Variants in TUBGCP5 observed in about 807,000 individuals in gnomAD.
The protein encoded by TUBGCP5 is tubulin gamma complex component 5, also known as gamma-tubulin complex component 5.
Under a neutral mutation model 134.7 loss-of-function variants are expected in TUBGCP5, and 98 were observed. The ratio of observed to expected loss-of-function variants is 0.73; its 90% CI spans 0.62 to 0.86. The LOEUF is 0.86. Ranked by LOEUF, TUBGCP5 falls within the 40% of genes least tolerant of loss-of-function variation. The pLI is 0.00. For synonymous variants in TUBGCP5, 456 were observed against 431.4 expected, an observed-to-expected ratio of 1.06 and a Z score of -0.71; for missense variants, 1,150 against 1,244.8, an observed-to-expected ratio of 0.92 and a Z score of 1.15.
intron 18 of TUBGCP5, 122 bp from the exon 19 acceptor site, chr15:23,005,732 G>A: frequency 9.1e-7 from 1 of 1,099,628 alleles, no homozygotes; most frequent in Non-Finnish European, 1.3e-6. Flanking sequence ...CACTGGCAGG[G>A]GTGGCAGGAA....
intron 1 of TUBGCP5, among the ~76,000 whole-genome samples, chr15:23,038,476 A>T (rs2066723801): frequency 6.6e-6 from 1 of 151,074 alleles, no homozygotes; most frequent in Non-Finnish European, 1.5e-5. Context: ...TTATTTTTAT[A>T]AGTTACACTT....
intron 23 of TUBGCP5, among the ~76,000 whole-genome samples, chr15:22,985,759 C>G (rs1422283750): frequency 1.3e-5 from 2 of 151,894 alleles, no homozygotes; most frequent in Admixed American, 6.6e-5. Context: ...CGCTTGAACC[C>G]AGGAGGCGGA....
At chr15:23,009,013 A>AT in intron 15 of TUBGCP5, 132 bp from the exon 16 acceptor site, 1 of 646,760 alleles carries the variant, frequency 1.5e-6, no homozygotes, top group Non-Finnish European at 2.5e-6. Flanking sequence ...AATTAGAAAT[A>AT]TTAACACCTC....
intron 18 of TUBGCP5, 158 bp downstream of exon 18, chr15:23,005,894 C>T: frequency 1.3e-6 from 1 of 779,464 alleles, no homozygotes; most frequent in Non-Finnish European, 2.0e-6. Context: ...CTAGAATACG[C>T]ACCATTTTGG....
At chr15:23,034,883 A>T (rs1034367921) in intron 3 of TUBGCP5, among the ~76,000 whole-genome samples, 2 of 152,160 alleles carry the variant, frequency 1.3e-5, no homozygotes, top group African/African-American at 4.8e-5. Context: ...AATAATAAAA[A>T]TGGCAAAACC....
chr15:23,000,442 G>C, intron 22 of TUBGCP5, 127 bp downstream of exon 22: 1 of 1,476,870 alleles, frequency 6.8e-7, no homozygotes, highest in East Asian at 2.4e-5. Flanking sequence ...CAACTGCTAA[G>C]GGACTTTTCA....
At chr15:23,022,523 G>A (rs1211212546) in intron 10 of TUBGCP5, among the ~76,000 whole-genome samples, 1 of 152,190 alleles carries the variant, frequency 6.6e-6, no homozygotes, top group Non-Finnish European at 1.5e-5. Flanking sequence ...TACAGAGAGG[G>A]GTGAGGGAGG....
At chr15:23,031,886 T>C (rs1364073303) in intron 5 of TUBGCP5, 64 bp downstream of exon 5, 2 of 1,340,208 alleles carry the variant, frequency 1.5e-6, no homozygotes, top group Non-Finnish European at 2.1e-6. Flanking sequence ...GAAAGACCCA[T>C]GAAAATCATC....
At chr15:23,039,358 G>A in intron 1 of TUBGCP5, 40 bp downstream of exon 1, 3 of 1,366,358 alleles carry the variant, frequency 2.2e-6, no homozygotes, top group Admixed American at 3.1e-5. Context: ...GCGGGCTCCG[G>A]GCTGTGGCCG....
In TUBGCP5 at chr15:23,019,218, C is replaced by T. The variant is rs1467508904; in HGVS notation, c.1487+1G>A. 2 of 1,611,046 alleles carry T rather than the reference C, an allele frequency of 1.2e-6. No homozygotes were observed. The highest frequency in any genetic ancestry group is 2.7e-5 in the African/African-American group (2 of 74,882). On this transcript the variant is annotated splice_donor_variant, in intron 12 of 22. Coordinates refer to ENST00000615383, the MANE Select transcript of TUBGCP5 (RefSeq NM_052903.6). LOFTEE classifies it high-confidence loss of function. ...TGACCTTGTGCTCTGCTGCAGCTCA[C>T]CTCTGGATGATGAACTCCCTGGCGC...
chr15:23,027,412 T>C (rs1595892961), intron 6 of TUBGCP5, 106 bp from the exon 7 acceptor site: 1 of 810,930 alleles, frequency 1.2e-6, no homozygotes, highest in Non-Finnish European at 2.0e-6. Context: ...AATGGCTTTT[T>C]AAAAATAACA....
intron 23 of TUBGCP5, among the ~76,000 whole-genome samples, chr15:22,992,342 G>A (rs12595681): frequency 0.046 from 6,956 of 152,082 alleles, 422 homozygotes; most frequent in African/African-American, 0.14. Context: ...TGGACAGTAG[G>A]CTCCAGCGTC....
chr15:23,035,473 C>A (rs1293390429), intron 3 of TUBGCP5, among the ~76,000 whole-genome samples: 1 of 152,022 alleles, frequency 6.6e-6, no homozygotes, highest in Non-Finnish European at 1.5e-5. Context: ...TGAAACTGTT[C>A]CACCTCAGAT....
chr15:23,024,548 C>T (rs949858529), intron 9 of TUBGCP5, among the ~76,000 whole-genome samples, 189 bp downstream of exon 9: 3 of 152,048 alleles, frequency 2.0e-5, no homozygotes, highest in African/African-American at 7.2e-5. Flanking sequence ...GAATCCTCTA[C>T]GTACTATAAA....
At chr15:22,994,207 C>A (rs1298929555), downstream of TUBGCP5, among the ~76,000 whole-genome samples, 1 of 152,146 alleles carries the variant, frequency 6.6e-6, no homozygotes, top group African/African-American at 2.4e-5. Flanking sequence ...CCTGCCTCAG[C>A]CTCCCAGGTA....
At chr15:23,026,959 T>G (rs1037973691) in intron 7 of TUBGCP5, among the ~76,000 whole-genome samples, 2 of 151,228 alleles carry the variant, frequency 1.3e-5, no homozygotes, top group African/African-American at 4.9e-5. Flanking sequence ...TAAAATAAAA[T>G]AAAAAATAAA....
chr15:22,994,797 A>G (rs2063994382), downstream of TUBGCP5, among the ~76,000 whole-genome samples: 1 of 152,178 alleles, frequency 6.6e-6, no homozygotes, highest in African/African-American at 2.4e-5. Flanking sequence ...TAACAGTGTA[A>G]AAGACTGAAA....
chr15:23,012,844 C>A (rs900094566), intron 13 of TUBGCP5, among the ~76,000 whole-genome samples: 1 of 152,128 alleles, frequency 6.6e-6, no homozygotes, highest in African/African-American at 2.4e-5. Flanking sequence ...TGGTGGCTCA[C>A]GCTTGTAATC....
At position 22,999,442 on chromosome 15, in the gene TUBGCP5, C is replaced by T. The variant is rs552076355; in HGVS notation, c.*378G>A. 9 of 242,028 alleles carry T rather than the reference C, an allele frequency of 3.7e-5. No homozygotes were observed. In the South Asian group the frequency reaches 5.8e-4, roughly 15 times the overall value. The allele number at this position is 242,028 out of a possible 1,614,324, so 15.0% of individuals were successfully genotyped here. A position where few individuals can be genotyped will look rare whatever the true frequency, so the allele number is the denominator to read the frequency against. On this transcript the variant is annotated 3_prime_UTR_variant, in exon 23 of 23. Coordinates refer to ENST00000615383, the MANE Select transcript of TUBGCP5 (RefSeq NM_052903.6). ...CTGAGTCAGGGTCTCACTCTGTCAC[C>T]CAGGTTGCACTGCAGTAGTGCAATC...
Sources: allele counts gnomAD v4.1 joint callset (sites outside exome capture counted in the v4.1 genomes callset), GRCh38; gene constraint gnomAD v4.1.1; transcripts MANE v1.5; gene names NCBI Gene and HGNC (gene_info 2026-07-23, HGNC 2026-07-21).